Variants in ETV1 observed in about 807,000 individuals in gnomAD.
ETV1 encodes the protein ETS variant transcription factor 1.
In ETV1, 27 loss-of-function variants were observed where a neutral mutation model predicts 62.3. That is an observed-to-expected ratio of 0.43 (90% confidence interval 0.32 to 0.60). The LOEUF (loss-of-function observed/expected upper bound fraction) is 0.60. ETV1 is among the 20% of genes least tolerant of loss of function. The probability of loss-of-function intolerance (pLI) is 0.06; values close to 1 mark genes in which losing one functional copy is unlikely to be tolerated. For synonymous variants in ETV1, 222 were observed against 199.6 expected, an observed-to-expected ratio of 1.11 and a Z score of -0.94; for missense variants, 605 against 605.8, an observed-to-expected ratio of 1.00 and a Z score of 0.01.
At chr7:13,957,252 AT>A (rs35148450) in intron 6 of ETV1, among the ~76,000 whole-genome samples, 1 of 151,772 alleles carries the variant, frequency 6.6e-6, no homozygotes, top group African/African-American at 2.4e-5. Flanking sequence ...TGCCCAGCTA[AT>A]TTTTTGTATT....
At chr7:13,910,228 CTTTT>C (rs58867942) in intron 10 of ETV1, among the ~76,000 whole-genome samples, 3,389 of 120,244 alleles carry the variant, frequency 0.028, 120 homozygotes, top group African/African-American at 0.098. Context: ...AAAAGTTTCC[CTTTT>C]TTTTTTTTTT....
intron 5 of ETV1, among the ~76,000 whole-genome samples, chr7:13,983,819 T>C (rs930176322): frequency 6.6e-6 from 1 of 151,902 alleles, no homozygotes; most frequent in African/African-American, 2.4e-5. Context: ...GAATTAACTT[T>C]CTTGGTAGAA....
Position 13,930,032 on chromosome 7 carries a change from T to C in ETV1, c.802+1470A>G, listed in dbSNP as rs765592159. The stretch of plus-strand genomic sequence containing the variant: ...GACGCAATACTCCCTTCATAAAGAA[T>C]GCCCAAACTTTATATCCAGACAAAA... On this transcript the variant is annotated intron_variant, in intron 9 of 13. Coordinates refer to ENST00000430479, the MANE Select transcript of ETV1 (RefSeq NM_004956.5). 1.4e-4 allele frequency among the ~76,000 whole-genome samples: 22 copies of C among 152,284 alleles called. 1 individual carries two copies. Among genetic ancestry groups the C allele is most frequent in the Admixed American group, 6.5e-4 (10 of 15,296 alleles).
chr7:13,939,106 G>A lies in ETV1; in HGVS notation c.365+11C>T, dbSNP rs1787165052. The A allele has an allele frequency of 6.2e-7, 1 of 1,610,776 alleles. No homozygotes were observed. Among genetic ancestry groups the A allele is most frequent in the African/African-American group, 1.3e-5 (1 of 74,894 alleles). ...ACCACTATCCTACATACATACACCT[G>A]GTGGCTTTACCTGACATTGTACAGG... On this transcript the variant is annotated intron_variant, in intron 7 of 13. Coordinates refer to ENST00000430479, the MANE Select transcript of ETV1 (RefSeq NM_004956.5).
At chr7:13,918,881 A>G (rs2128431828) in intron 9 of ETV1, among the ~76,000 whole-genome samples, 2 of 151,630 alleles carry the variant, frequency 1.3e-5, no homozygotes, top group South Asian at 4.2e-4. Context: ...TAATAAAAAA[A>G]AAAAAAAAGA....
At chr7:13,927,344 C>T (rs566984141) in intron 9 of ETV1, among the ~76,000 whole-genome samples, 123 of 152,010 alleles carry the variant, frequency 8.1e-4, no homozygotes, top group Non-Finnish European at 1.3e-3. Flanking sequence ...CCCAACTACT[C>T]GGGAGGCTGA....
chr7:13,981,833 T>G (rs1782020572), intron 5 of ETV1, among the ~76,000 whole-genome samples: 1 of 151,962 alleles, frequency 6.6e-6, no homozygotes, highest in Non-Finnish European at 1.5e-5. Flanking sequence ...TTATTTCAAA[T>G]AAGAAGTAAA....
intron 6 of ETV1, among the ~76,000 whole-genome samples, chr7:13,944,855 AG>A (rs1787965181): frequency 6.6e-6 from 1 of 152,202 alleles, no homozygotes; most frequent in African/African-American, 2.4e-5. Flanking sequence ...TCCTTATAAA[AG>A]GGGGAATCTG....
intron 9 of ETV1, among the ~76,000 whole-genome samples, chr7:13,922,246 T>G (rs1026695595): frequency 1.3e-5 from 2 of 152,190 alleles, no homozygotes; most frequent in African/African-American, 2.4e-5. Flanking sequence ...TGAGATAGAC[T>G]GTTGTGGTTG....
At chr7:13,975,439 G>A (rs748973014) in intron 6 of ETV1, among the ~76,000 whole-genome samples, 3 of 151,888 alleles carry the variant, frequency 2.0e-5, no homozygotes, top group Admixed American at 2.0e-4. Flanking sequence ...CCAGCTACTC[G>A]GGAGGCTGAG....
In ETV1 at chr7:13,891,407, T is replaced by C. The variant is rs562946954; in HGVS notation, c.*4459A>G. 1.7e-5 allele frequency: 4 copies of C among 231,552 alleles called. No homozygotes were observed. The highest frequency in any genetic ancestry group is 3.4e-5 in the Non-Finnish European group (4 of 117,152). 14.3% of individuals were successfully genotyped at this position (231,552 alleles called of 1,614,324 possible). On this transcript the variant is annotated 3_prime_UTR_variant, in exon 14 of 14. Coordinates refer to ENST00000430479, the MANE Select transcript of ETV1 (RefSeq NM_004956.5). ...ATAATTTTAGAATGAAAGTAACTAA[T>C]ACTGGAGTCTATATGCAAAAAAGAC... is the stretch of plus-strand genomic sequence containing the variant.
intron 12 of ETV1, 148 bp downstream of exon 12, chr7:13,906,282 G>A: frequency 1.9e-6 from 1 of 537,684 alleles, no homozygotes; most frequent in Non-Finnish European, 3.1e-6. Flanking sequence ...AGGTAGACAT[G>A]TTTTATCTTT....
intron 9 of ETV1, among the ~76,000 whole-genome samples, chr7:13,920,517 T>C (rs531371533): frequency 2.0e-5 from 3 of 151,912 alleles, no homozygotes. Context: ...CTCTATAGCG[T>C]CCATTCATGT....
intron 2 of ETV1, 62 bp downstream of exon 2, chr7:13,989,206 A>AT: frequency 1.6e-6 from 1 of 641,028 alleles, no homozygotes; most frequent in Non-Finnish European, 2.7e-6. Flanking sequence ...GAATTTGCAT[A>AT]GCTAATTACC....
chr7:13,972,076 C>T (rs1780960951), intron 6 of ETV1, among the ~76,000 whole-genome samples: 1 of 152,044 alleles, frequency 6.6e-6, no homozygotes, highest in South Asian at 2.1e-4. Flanking sequence ...TGCCACTGCA[C>T]TCCAGCCTGG....
intron 13 of ETV1, among the ~76,000 whole-genome samples, chr7:13,897,847 G>A (rs939510450): frequency 6.6e-6 from 1 of 152,106 alleles, no homozygotes; most frequent in Admixed American, 6.5e-5. Context: ...TAAATGGCCT[G>A]CATACCTCTG....
At chr7:13,902,081 T>A (rs1321552617) in intron 12 of ETV1, among the ~76,000 whole-genome samples, 1 of 152,134 alleles carries the variant, frequency 6.6e-6, no homozygotes, top group African/African-American at 2.4e-5. Flanking sequence ...TTTTTATTAG[T>A]CTGAGAAGAA....
chr7:13,940,477 G>A (rs1787369583), intron 6 of ETV1, among the ~76,000 whole-genome samples: 1 of 151,930 alleles, frequency 6.6e-6, no homozygotes, highest in Admixed American at 6.6e-5. Context: ...TAAATTTTTG[G>A]TATAAATGGG....
Position 13,935,916 on chromosome 7 carries a change from A to G in ETV1, c.366-20T>C. On this transcript the variant is annotated intron_variant, in intron 7 of 13. Coordinates refer to ENST00000430479, the MANE Select transcript of ETV1 (RefSeq NM_004956.5). ...TAGGCACTACCCAGGGGACAAAAGAAGAGAGAACATTTCTTTCTTTGGAGC... is the reference window on the plus strand; with the variant it reads ...TAGGCACTACCCAGGGGACAAAAGAGGAGAGAACATTTCTTTCTTTGGAGC... The G allele has an allele frequency of 6.4e-7, 1 of 1,562,134 alleles. No homozygotes were observed. The highest frequency in any genetic ancestry group is 1.2e-5 in the South Asian group (1 of 85,320).
Sources: allele counts gnomAD v4.1 joint callset (sites outside exome capture counted in the v4.1 genomes callset), GRCh38; gene constraint gnomAD v4.1.1; transcripts MANE v1.5; gene names NCBI Gene and HGNC (gene_info 2026-07-23, HGNC 2026-07-21).